The following BCL7A variants were observed in gnomAD, a reference collection of about 807,000 sequenced individuals.
BCL7A encodes BAF chromatin remodeling complex subunit BCL7A.
BCL7A carries 11 observed loss-of-function variants against 28.4 expected under a neutral mutation model. The observed-to-expected ratio is 0.39, with a 90% CI of 0.24 to 0.64. The LOEUF (loss-of-function observed/expected upper bound fraction) is 0.64, where lower values mean the gene tolerates loss of function less well. Ranked by LOEUF, BCL7A falls within the 30% of genes least tolerant of loss-of-function variation. The pLI, the probability that BCL7A is intolerant of heterozygous loss-of-function variation, is 0.50. For missense variants in BCL7A, 222 were observed against 274.8 expected (o/e 0.81, Z 1.36); for synonymous variants, 123 against 103.3 (o/e 1.19, Z -1.15).
At chr12:122,024,523 T>G (rs1193837600) in intron 1 of BCL7A, among the ~76,000 whole-genome samples, 1 of 151,022 alleles carries the variant, frequency 6.6e-6, no homozygotes, top group Non-Finnish European at 1.5e-5. Flanking sequence ...CAGGTTTCTC[T>G]GGCCCCTGAG....
chr12:122,037,438 C>T (rs1020525095), intron 3 of BCL7A, among the ~76,000 whole-genome samples: 4 of 152,200 alleles, frequency 2.6e-5, no homozygotes, highest in South Asian at 2.1e-4. Flanking sequence ...GGAAGGCCAG[C>T]GAACTTCCCC....
rs1883895710 is a variant in BCL7A, at chr12:122,038,286, G to C, written c.271+2859G>C. On this transcript the variant is annotated intron_variant, in intron 3 of 5. Coordinates refer to ENST00000261822, the MANE Select transcript of BCL7A (RefSeq NM_001024808.3). Reference sequence around the variant, plus strand: ...ATCTCTACTAAAAATATAAAAATTAGCTGGGCATGATGGCGTGTGCCTGTA... The same window carrying C: ...ATCTCTACTAAAAATATAAAAATTACCTGGGCATGATGGCGTGTGCCTGTA... 2.0e-5 allele frequency among the ~76,000 whole-genome samples: 3 copies of C among 151,322 alleles called. No homozygotes were observed. The South Asian group carries it at 6.3e-4, about 32-fold the overall frequency.
At chr12:122,043,352 G>A (rs992457304) in intron 3 of BCL7A, among the ~76,000 whole-genome samples, 1 of 141,554 alleles carries the variant, frequency 7.1e-6, no homozygotes, top group African/African-American at 2.7e-5. Flanking sequence ...GGTCAGGCCA[G>A]TGCCGGAATT....
intron 3 of BCL7A, among the ~76,000 whole-genome samples, chr12:122,041,293 C>T (rs549353739): frequency 3.9e-5 from 6 of 152,208 alleles, no homozygotes; most frequent in South Asian, 4.2e-4. Flanking sequence ...GAGGATTCCA[C>T]GAGGTGTCCA....
At chr12:122,025,023 T>A (rs2135837052) in intron 1 of BCL7A, among the ~76,000 whole-genome samples, 1 of 151,212 alleles carries the variant, frequency 6.6e-6, no homozygotes, top group African/African-American at 2.4e-5. Context: ...TGCCTCCTGT[T>A]CTCTTTTTCT....
chr12:122,052,279 C>A (rs911347180), intron 4 of BCL7A, among the ~76,000 whole-genome samples: 8 of 152,166 alleles, frequency 5.3e-5, no homozygotes, highest in African/African-American at 1.9e-4. Flanking sequence ...AGCTATCTTC[C>A]CACCTTGGCC....
chr12:122,034,658 T>C (rs1399687049), intron 2 of BCL7A, among the ~76,000 whole-genome samples: 1 of 151,106 alleles, frequency 6.6e-6, no homozygotes, highest in Non-Finnish European at 1.5e-5. Flanking sequence ...ATCGCTTGAA[T>C]CTGGGAGTTG....
intron 4 of BCL7A, among the ~76,000 whole-genome samples, chr12:122,048,911 C>T (rs1884130267): frequency 1.3e-5 from 2 of 151,182 alleles, no homozygotes; most frequent in Non-Finnish European, 2.9e-5. Context: ...ATCCCAGCTA[C>T]TCGGGAAGCT....
At position 122,061,559 on chromosome 12, in the gene BCL7A, C is replaced by G. The variant is rs1029175302; in HGVS notation, c.*2396C>G. On this transcript the variant is annotated 3_prime_UTR_variant, in exon 6 of 6. Transcript: ENST00000261822. ...AGTCGCTCCTCGAGCCGCTGCCCCC[C>G]ACCCACCCTGCACCCCTCGCCCTCC... 2 of 215,442 alleles carry G rather than the reference C, an allele frequency of 9.3e-6. No homozygotes were observed. Among genetic ancestry groups the G allele is most frequent in the African/African-American group, 4.5e-5 (2 of 44,100 alleles). The allele number at this position is 215,442 out of a possible 1,614,324, so 13.3% of individuals were successfully genotyped here.
At chr12:122,024,456 TTTTTTG>T (rs377337905) in intron 1 of BCL7A, among the ~76,000 whole-genome samples, 8,400 of 56,524 alleles carry the variant, frequency 0.15, 463 homozygotes, top group East Asian at 0.31. Context: ...GGCTTTGAGG[TTTTTTG>T]TTTTTTTTTT....
intron 1 of BCL7A, among the ~76,000 whole-genome samples, chr12:122,022,704 C>T (rs1465026688): frequency 6.7e-6 from 1 of 148,540 alleles, no homozygotes; most frequent in Admixed American, 6.7e-5. Flanking sequence ...CCCGGCCCGC[C>T]CGGCCGCCCG....
Position 122,059,316 on chromosome 12 carries a change from C to T in BCL7A, c.*153C>T, listed in dbSNP as rs1951901033. 7.5e-6 allele frequency: 5 copies of T among 664,018 alleles called. No homozygotes were observed. The highest frequency in any genetic ancestry group is 5.7e-5 in the East Asian group (2 of 35,374). The allele number at this position is 664,018 out of a possible 1,614,324, so 41.1% of individuals were successfully genotyped here. ...GCAAATCCAAGAAGACCCAGAACGG[C>T]GTCACTTCTCAGACACTGAAGAACT... On this transcript the variant is annotated 3_prime_UTR_variant, in exon 6 of 6. Transcript: ENST00000261822. This position sits in a 1 kb window ranked among gnomAD's most constrained non-coding sequence, Gnocchi z 4.0.
At chr12:122,032,019 A>G (rs1008476422) in intron 2 of BCL7A, among the ~76,000 whole-genome samples, 6 of 152,172 alleles carry the variant, frequency 3.9e-5, no homozygotes, top group African/African-American at 1.4e-4. Context: ...GGCGCAGACT[A>G]ACCCACATGG....
intron 1 of BCL7A, among the ~76,000 whole-genome samples, chr12:122,025,239 T>G (rs1429293515): frequency 6.6e-6 from 1 of 151,932 alleles, no homozygotes; most frequent in Admixed American, 6.6e-5. Context: ...GGCTCACGCC[T>G]GTAATCCCAG....
Position 122,059,163 on chromosome 12 carries a change from G to A in BCL7A, c.633G>A (p.Ter211=). 1 of 1,610,050 alleles carries A rather than the reference G, an allele frequency of 6.2e-7. No individual in the cohort carries two copies. Among genetic ancestry groups the A allele is most frequent in the Non-Finnish European group, 8.5e-7 (1 of 1,176,280 alleles). Residue 211 remains the stop codon, a stop_retained_variant, in exon 6 of 6, where the codon TAG becomes TAA. Transcript: ENST00000261822. The surrounding 1 kb of genome is among the most constrained non-coding windows in gnomAD (Gnocchi z 4.0). ...EASQQNSEEM[*] ...CTCAACAAAACTCCGAAGAGATGTA[G>A]ACGATGCTTTAAAGCCTCCGATCCA...
chr12:122,038,282 A>C (rs1318037019), intron 3 of BCL7A, among the ~76,000 whole-genome samples: 1 of 149,992 alleles, frequency 6.7e-6, no homozygotes, highest in Non-Finnish European at 1.5e-5. Context: ...AAATATAAAA[A>C]TTAGCTGGGC....
intron 4 of BCL7A, among the ~76,000 whole-genome samples, chr12:122,052,656 CTTTT>C (rs1362603418): frequency 2.0e-5 from 3 of 151,958 alleles, no homozygotes; most frequent in Admixed American, 6.6e-5. Flanking sequence ...TGTTTTCTTT[CTTTT>C]TGTTTTTTTA....
intron 2 of BCL7A, among the ~76,000 whole-genome samples, chr12:122,033,902 T>G (rs1883792400): frequency 6.6e-6 from 1 of 152,140 alleles, no homozygotes; most frequent in South Asian, 2.1e-4. Context: ...CCTGCCCCGG[T>G]AACCACCAGT....
At chr12:122,036,182 C>G (rs1883847831) in intron 3 of BCL7A, among the ~76,000 whole-genome samples, 1 of 152,080 alleles carries the variant, frequency 6.6e-6, no homozygotes, top group Non-Finnish European at 1.5e-5. Context: ...CCACCAGGAC[C>G]TTGGGAACTG....
Sources: allele counts gnomAD v4.1 joint callset (sites outside exome capture counted in the v4.1 genomes callset), GRCh38; gene constraint gnomAD v4.1.1; non-coding constraint Gnocchi (gnomAD v3.1); transcripts MANE v1.5; gene names NCBI Gene and HGNC (gene_info 2026-07-23, HGNC 2026-07-21).